Variants in NRG1 observed in about 807,000 individuals in gnomAD.
NRG1 encodes pro-neuregulin-1, membrane-bound isoform.
In NRG1, 18 loss-of-function variants were observed where a neutral mutation model predicts 63.8. That is an observed-to-expected ratio of 0.28 (90% CI 0.19 to 0.42). The LOEUF (loss-of-function observed/expected upper bound fraction) is 0.42, where lower values mean the gene tolerates loss of function less well. Ranked by LOEUF, NRG1 falls within the 10% of genes least tolerant of loss-of-function variation. The probability of loss-of-function intolerance (pLI) is 1.00; values close to 1 mark genes in which losing one functional copy is unlikely to be tolerated. For missense variants in NRG1, 762 were observed against 814.7 expected (o/e 0.94, Z 0.79); for synonymous variants, 302 against 301.3 (o/e 1.00, Z -0.02).
chr8:31,751,785 G>A (rs1013917164), intron 1 of NRG1, among the ~76,000 whole-genome samples: 1 of 151,948 alleles, frequency 6.6e-6, no homozygotes, highest in Non-Finnish European at 1.5e-5. Flanking sequence ...TCATTGATAT[G>A]AAGATGTGAG....
At chr8:31,934,606 T>TC (rs1835148282) in intron 1 of NRG1, among the ~76,000 whole-genome samples, 1 of 151,944 alleles carries the variant, frequency 6.6e-6, no homozygotes, top group Non-Finnish European at 1.5e-5. Context: ...ACATTGGCTT[T>TC]TGTACCTCCA....
chr8:32,772,035 A>AAC (rs1831844279), downstream of NRG1, among the ~76,000 whole-genome samples: 1 of 10,888 alleles, frequency 9.2e-5, no homozygotes, highest in Non-Finnish European at 2.3e-4. Flanking sequence ...AAAAAAAAAA[A>AAC]AATATGTATA....
chr8:32,242,073 C>T (rs1412012739), intron 1 of NRG1, among the ~76,000 whole-genome samples: 1 of 152,106 alleles, frequency 6.6e-6, no homozygotes, highest in Admixed American at 6.6e-5. Flanking sequence ...TTTAACTTTG[C>T]TACTTACGAG....
At chr8:32,672,051 CT>C (rs35596033) in intron 5 of NRG1, among the ~76,000 whole-genome samples, 114,867 of 145,288 alleles carry the variant, frequency 0.79, 46,501 homozygotes, top group East Asian at 1. Context: ...TCATCTCCTA[CT>C]TTTTTTTTTT....
chr8:32,105,976 T>C (rs1831207054), intron 1 of NRG1, among the ~76,000 whole-genome samples: 1 of 152,176 alleles, frequency 6.6e-6, no homozygotes, highest in African/African-American at 2.4e-5. Context: ...TATCCCACTA[T>C]AGAGAGCCAT....
At chr8:31,676,227 G>T (rs547227597) in intron 1 of NRG1, among the ~76,000 whole-genome samples, 1 of 152,110 alleles carries the variant, frequency 6.6e-6, no homozygotes, top group Admixed American at 6.6e-5. Context: ...AGTTTATACT[G>T]TGCTCAAAGA....
chr8:32,043,731 A>G (rs562239946), intron 1 of NRG1, among the ~76,000 whole-genome samples: 7 of 151,950 alleles, frequency 4.6e-5, no homozygotes, highest in African/African-American at 1.7e-4. Context: ...TCTAAATATA[A>G]CATGAAAATT....
At chr8:32,613,404 GA>G (rs1846722530) in intron 3 of NRG1, among the ~76,000 whole-genome samples, 1 of 151,976 alleles carries the variant, frequency 6.6e-6, no homozygotes, top group South Asian at 2.1e-4. Context: ...AGAGTTTGAA[GA>G]AATATTGGCG....
chr8:32,651,829 A>T (rs1164936718), intron 5 of NRG1, among the ~76,000 whole-genome samples: 6 of 152,146 alleles, frequency 3.9e-5, no homozygotes, highest in Non-Finnish European at 8.8e-5. Context: ...GTTCTTGGTA[A>T]CTATGTTTGT....
At chr8:31,866,224 T>C (rs1454210695) in intron 1 of NRG1, among the ~76,000 whole-genome samples, 2 of 152,146 alleles carry the variant, frequency 1.3e-5, no homozygotes, top group Non-Finnish European at 2.9e-5. Context: ...CTATAAAAAT[T>C]GCCATCCCAC....
upstream of NRG1, among the ~76,000 whole-genome samples, chr8:32,545,955 C>T (rs1462320808): frequency 6.6e-6 from 1 of 152,046 alleles, no homozygotes; most frequent in Non-Finnish European, 1.5e-5. Flanking sequence ...CACATCAAAC[C>T]AAGGAAAAAC....
At chr8:32,354,674 A>G (rs755079066) in intron 1 of NRG1, among the ~76,000 whole-genome samples, 35 of 151,638 alleles carry the variant, frequency 2.3e-4, no homozygotes, top group Non-Finnish European at 4.4e-4. Flanking sequence ...GGGAGAATTA[A>G]GGCCAGGAGT....
At chr8:32,642,914 C>T (rs373141706) in intron 5 of NRG1, among the ~76,000 whole-genome samples, 8 of 152,180 alleles carry the variant, frequency 5.3e-5, no homozygotes, top group African/African-American at 1.4e-4. Context: ...TTGGAGCTAC[C>T]GTACATTCTT....
At chr8:32,684,126 A>T (rs895745018) in intron 5 of NRG1, among the ~76,000 whole-genome samples, 1 of 152,190 alleles carries the variant, frequency 6.6e-6, no homozygotes, top group Non-Finnish European at 1.5e-5. Flanking sequence ...AGATCATGAC[A>T]CTGCACTCCA....
At chr8:32,441,669 CT>C (rs1270452224) in intron 1 of NRG1, among the ~76,000 whole-genome samples, 1 of 152,066 alleles carries the variant, frequency 6.6e-6, no homozygotes, top group African/African-American at 2.4e-5. Context: ...GACAATTTCT[CT>C]GCTTTCAAGA....
At chr8:31,951,447 G>A (rs1451859310) in intron 1 of NRG1, among the ~76,000 whole-genome samples, 1 of 152,008 alleles carries the variant, frequency 6.6e-6, no homozygotes, top group Non-Finnish European at 1.5e-5. Context: ...CCTCCTCTAG[G>A]GAAAAAAAAA....
chr8:31,911,750 G>T (rs1453311045), intron 1 of NRG1, among the ~76,000 whole-genome samples: 1 of 152,162 alleles, frequency 6.6e-6, no homozygotes, highest in African/African-American at 2.4e-5. Flanking sequence ...TGTATCTTAG[G>T]ATCATGAGAA....
intron 1 of NRG1, among the ~76,000 whole-genome samples, chr8:32,061,160 A>T (rs915905550): frequency 6.6e-6 from 1 of 151,942 alleles, no homozygotes; most frequent in Non-Finnish European, 1.5e-5. Context: ...GAAGGCAAAA[A>T]CTTTCCTGAC....
chr8:32,171,021 T>A (rs143006640), intron 1 of NRG1, among the ~76,000 whole-genome samples: 2 of 152,314 alleles, frequency 1.3e-5, no homozygotes, highest in East Asian at 3.9e-4. Context: ...CAATATCATT[T>A]ACTCTTGTCC....
Sources: gnomAD v4.1 joint callset for allele counts (sites outside exome capture counted in the v4.1 genomes callset) on GRCh38, gnomAD v4.1.1 for gene constraint, MANE v1.5 for transcripts, NCBI Gene and HGNC (gene_info 2026-07-23, HGNC 2026-07-21) for gene names.